The following SORCS3 variants were observed in gnomAD, a reference collection of about 807,000 sequenced individuals.
SORCS3 encodes VPS10 domain-containing receptor SorCS3.
Under a neutral mutation model 146.3 loss-of-function variants are expected in SORCS3, and 57 were observed. The observed-to-expected ratio is 0.39, with a 90% CI of 0.31 to 0.49. The LOEUF is 0.49. Among genes scored for constraint, SORCS3 ranks in the 20% least tolerant of loss-of-function variants. SORCS3 has a pLI of 0.92. For synonymous variants in SORCS3, 653 were observed against 618.5 expected (o/e 1.06, Z -0.83); for missense variants, 1,341 against 1,575.5 (o/e 0.85, Z 2.52).
intron 5 of SORCS3, among the ~76,000 whole-genome samples, chr10:105,087,558 G>A (rs1006649731): frequency 6.6e-6 from 1 of 151,800 alleles, no homozygotes; most frequent in Admixed American, 6.6e-5. Flanking sequence ...GTCCCTTGTG[G>A]TACCCTCAGT....
intron 12 of SORCS3, 131 bp from the exon 13 acceptor site, chr10:105,167,127 A>G (rs1436841279): frequency 1.5e-6 from 1 of 659,888 alleles, no homozygotes; most frequent in Non-Finnish European, 2.5e-6. Context: ...TACTTGCAAA[A>G]ACTATCTGAT....
intron 18 of SORCS3, 74 bp from the exon 19 acceptor site, chr10:105,216,862 G>A: frequency 3.4e-6 from 5 of 1,464,706 alleles, no homozygotes; most frequent in Non-Finnish European, 4.7e-6. Context: ...TGATGCTGAA[G>A]CAACAGGAGG....
chr10:104,648,688 C>T (rs2015524779), intron 1 of SORCS3, among the ~76,000 whole-genome samples: 1 of 152,194 alleles, frequency 6.6e-6, no homozygotes, highest in Admixed American at 6.5e-5. Flanking sequence ...AGCCTGGTTA[C>T]ATCACAACCA....
At chr10:104,989,388 A>G (rs919053619) in intron 4 of SORCS3, among the ~76,000 whole-genome samples, 10 of 152,244 alleles carry the variant, frequency 6.6e-5, no homozygotes, top group African/African-American at 1.7e-4. Context: ...ACCAACGTGC[A>G]TATTGTCCTT....
At chr10:104,960,680 C>T (rs750879068) in intron 3 of SORCS3, among the ~76,000 whole-genome samples, 2 of 152,124 alleles carry the variant, frequency 1.3e-5, no homozygotes, top group African/African-American at 4.8e-5. Flanking sequence ...CTTAAAGGCT[C>T]CACGTCTCAA....
chr10:105,079,930 G>T (rs921971732), intron 5 of SORCS3, among the ~76,000 whole-genome samples: 1 of 152,182 alleles, frequency 6.6e-6, no homozygotes, highest in Non-Finnish European at 1.5e-5. Context: ...TGGTGTATAT[G>T]TACCATATTT....
intron 21 of SORCS3, among the ~76,000 whole-genome samples, chr10:105,246,768 G>A (rs2056868716): frequency 6.6e-6 from 1 of 152,196 alleles, no homozygotes; most frequent in Admixed American, 6.5e-5. Context: ...ACCAGGTCAA[G>A]ATACAAAGTT....
intron 1 of SORCS3, among the ~76,000 whole-genome samples, chr10:104,809,125 GT>G (rs2017712652): frequency 6.6e-6 from 1 of 152,182 alleles, no homozygotes; most frequent in African/African-American, 2.4e-5. Context: ...AATGTCTTGA[GT>G]TTTAGATACC....
At chr10:104,693,907 T>C (rs1355180836) in intron 1 of SORCS3, among the ~76,000 whole-genome samples, 1 of 152,174 alleles carries the variant, frequency 6.6e-6, no homozygotes, top group African/African-American at 2.4e-5. Context: ...TTTTGGTAAT[T>C]TATTATAGGA....
At chr10:105,234,345 A>G (rs115931561) in intron 20 of SORCS3, among the ~76,000 whole-genome samples, 522 of 151,950 alleles carry the variant, frequency 3.4e-3, no homozygotes, top group African/African-American at 0.012. Context: ...TTTGAAAATG[A>G]TACATCTAGG....
intron 26 of SORCS3, 53 bp downstream of exon 26, chr10:105,262,544 G>A: frequency 6.4e-7 from 1 of 1,553,974 alleles, no homozygotes; most frequent in South Asian, 1.2e-5. Context: ...CTAAACACTG[G>A]CCTGCTTCAT....
chr10:104,868,757 T>C (rs930095462), intron 2 of SORCS3, among the ~76,000 whole-genome samples: 6 of 152,210 alleles, frequency 3.9e-5, no homozygotes, highest in Non-Finnish European at 7.3e-5. Context: ...TGAGCTCAGC[T>C]TTTTCTTTTA....
intron 7 of SORCS3, among the ~76,000 whole-genome samples, chr10:105,106,977 C>T (rs1241327780): frequency 6.6e-6 from 1 of 152,064 alleles, no homozygotes; most frequent in East Asian, 1.9e-4. Flanking sequence ...CTGAGCAATC[C>T]CCTGGTTTTA....
In SORCS3 at chr10:105,041,374, C is replaced by T. The variant is rs184644207; in HGVS notation, c.955-1681C>T. 2.1e-5 allele frequency among the ~76,000 whole-genome samples: 3 copies of T among 145,340 alleles called. No individual in the cohort carries two copies. In the Admixed American group the frequency reaches 2.1e-4, roughly 10 times the overall value. On this transcript the variant is annotated intron_variant, in intron 4 of 26. Coordinates refer to ENST00000369701, the MANE Select transcript of SORCS3 (RefSeq NM_014978.3). ...ACAGCTAGTAGTCAGCTGTATATAC[C>T]TGACAACATTACAGGCTATTTTGAG...
chr10:105,138,462 G>A (rs1380074649), intron 7 of SORCS3, among the ~76,000 whole-genome samples: 2 of 152,250 alleles, frequency 1.3e-5, no homozygotes, highest in Non-Finnish European at 2.9e-5. Flanking sequence ...ACCTTAGTGA[G>A]AATGAAGCAT....
intron 4 of SORCS3, among the ~76,000 whole-genome samples, chr10:105,032,123 CAG>C (rs1313038879): frequency 6.6e-6 from 1 of 152,116 alleles, no homozygotes; most frequent in Non-Finnish European, 1.5e-5. Flanking sequence ...AACCGGAAGA[CAG>C]AGGTTGCAGT....
At chr10:105,221,717 A>T (rs1420708928) in intron 19 of SORCS3, among the ~76,000 whole-genome samples, 1 of 152,170 alleles carries the variant, frequency 6.6e-6, no homozygotes, top group South Asian at 2.1e-4. Flanking sequence ...ACCAATAAGA[A>T]TTCAAGGCCC....
At chr10:105,173,684 T>C (rs1475320033) in intron 13 of SORCS3, among the ~76,000 whole-genome samples, 2 of 152,214 alleles carry the variant, frequency 1.3e-5, no homozygotes, top group African/African-American at 4.8e-5. Context: ...TTATTTCAAC[T>C]GAAAATAAGG....
chr10:105,064,573 G>A (rs1052075164), intron 5 of SORCS3, among the ~76,000 whole-genome samples: 3 of 152,186 alleles, frequency 2.0e-5, no homozygotes, highest in Non-Finnish European at 4.4e-5. Flanking sequence ...CTCAGTCTGA[G>A]GCCGAAGGCT....
Sources: gnomAD v4.1 joint callset for allele counts (sites outside exome capture counted in the v4.1 genomes callset) on GRCh38, gnomAD v4.1.1 for gene constraint, MANE v1.5 for transcripts, NCBI Gene and HGNC (gene_info 2026-07-23, HGNC 2026-07-21) for gene names.